Variants in CCND1 observed in about 807,000 individuals in gnomAD.
The protein encoded by CCND1 is G1/S-specific cyclin-D1.
CCND1 carries 9 observed loss-of-function variants against 26.1 expected under a neutral mutation model. The ratio of observed to expected loss-of-function variants is 0.35; its 90% CI spans 0.21 to 0.60. The LOEUF is 0.60. Among genes scored for constraint, CCND1 ranks in the 20% least tolerant of loss-of-function variants. CCND1 has a pLI of 0.79. For synonymous variants in CCND1, 194 were observed against 166.1 expected, an observed-to-expected ratio of 1.17 and a Z score of -1.29; for missense variants, 335 against 392.9, an observed-to-expected ratio of 0.85 and a Z score of 1.25.
intron 4 of CCND1, among the ~76,000 whole-genome samples, chr11:69,648,869 C>T (rs1590915771): frequency 2.0e-5 from 3 of 151,960 alleles, no homozygotes; most frequent in South Asian, 4.2e-4. Flanking sequence ...GTGGTCTGCC[C>T]TCGAGCCTCC....
intron 1 of CCND1, 21 bp downstream of exon 1, chr11:69,641,532 CTCT>C (rs745551896): frequency 2.5e-6 from 4 of 1,608,958 alleles, no homozygotes; most frequent in East Asian, 4.5e-5. Flanking sequence ...TCGGGCGGCT[CTCT>C]TAAGACTTCC....
At position 69,654,064 on chromosome 11, in the gene CCND1, G is replaced by T; in HGVS notation, c.*2782G>T. ...ACCCCGCTGCGGGCCCACGTGGTTG[G>T]GGCCCTGCCCTGGCAGGGTCATCCT... On this transcript the variant is annotated 3_prime_UTR_variant, in exon 5 of 5. Coordinates refer to ENST00000227507, the MANE Select transcript of CCND1 (RefSeq NM_053056.3). This position sits in a 1 kb window ranked among gnomAD's most constrained non-coding sequence, Gnocchi z 6.3. The T allele has an allele frequency of 1.7e-6, 1 of 602,800 alleles. No homozygotes were observed. Among genetic ancestry groups the T allele is most frequent in the Non-Finnish European group, 3.0e-6 (1 of 336,898 alleles). The allele number at this position is 602,800 out of a possible 1,614,324, so 37.3% of individuals were successfully genotyped here.
In CCND1 at chr11:69,643,134, T is replaced by G. The variant is rs1480433568; in HGVS notation, c.302T>G (p.Leu101Arg). 6.2e-7 allele frequency: 1 copy of G among 1,610,368 alleles called. No homozygotes were observed. Among genetic ancestry groups the G allele is most frequent in the Non-Finnish European group, 8.5e-7 (1 of 1,178,682 alleles). Residue 101 changes from leucine (L) to arginine (R), a missense_variant, in exon 2 of 5, where the codon CTG becomes CGG. Transcript: ENST00000227507. Reference protein sequence around the residue: ...LEPVKKSRLQLLGATCMFVAS... With the variant: ...LEPVKKSRLQRLGATCMFVAS... ...CCCGTGAAAAAGAGCCGCCTGCAGCTGCTGGGGGCCACTTGCATGTTCGTG... is the reference window on the plus strand; with the variant it reads ...CCCGTGAAAAAGAGCCGCCTGCAGCGGCTGGGGGCCACTTGCATGTTCGTG...
chr11:69,646,893 G>A (rs1362549414), intron 3 of CCND1, among the ~76,000 whole-genome samples: 1 of 152,230 alleles, frequency 6.6e-6, no homozygotes, highest in Non-Finnish European at 1.5e-5. Context: ...CTGCAGCCTG[G>A]CAGGCGGATG....
chr11:69,643,763 C>T (rs2120092547), intron 2 of CCND1, 69 bp from the exon 3 acceptor site: 1 of 1,497,866 alleles, frequency 6.7e-7, no homozygotes, highest in Non-Finnish European at 9.1e-7. Flanking sequence ...GGCCCCCGTG[C>T]TGCCGGCTTC....
chr11:69,654,349 C>T lies in CCND1; in HGVS notation c.*3067C>T, dbSNP rs1185129222. On this transcript the variant is annotated 3_prime_UTR_variant, in exon 5 of 5. Transcript: ENST00000227507. This position sits in a 1 kb window ranked among gnomAD's most constrained non-coding sequence, Gnocchi z 6.3. ...CAAGTCTGAGGGTCTGGGCGGCGGG[C>T]GGCTGGGTCTGTGCATTTCTGGTTG... is the stretch of plus-strand genomic sequence containing the variant. The T allele has an allele frequency of 1.7e-5, 12 of 702,368 alleles. No individual in the cohort carries two copies. Among genetic ancestry groups the T allele is most frequent in the East Asian group, 8.0e-5 (3 of 37,278 alleles). The allele number at this position is 702,368 out of a possible 1,614,324, so 43.5% of individuals were successfully genotyped here.
chr11:69,644,601 G>A (rs1166047983), intron 3 of CCND1, among the ~76,000 whole-genome samples: 1 of 152,198 alleles, frequency 6.6e-6, no homozygotes, highest in East Asian at 1.9e-4. Flanking sequence ...AGCACTCTCA[G>A]CTTGGGCCGC....
Position 69,651,917 on chromosome 11 carries a change from C to T in CCND1, c.*635C>T. 1 of 233,058 alleles carries T rather than the reference C, an allele frequency of 4.3e-6. No homozygotes were observed. The allele number at this position is 233,058 out of a possible 1,614,324, so 14.4% of individuals were successfully genotyped here. On this transcript the variant is annotated 3_prime_UTR_variant, in exon 5 of 5. Transcript: ENST00000227507. ...TATTCCGTAGGTAGATGTGTAACCT[C>T]TTCACCTTATTCATGGCTGAAGTCA...
At chr11:69,648,282 G>C (rs764234852) in intron 4 of CCND1, 140 bp downstream of exon 4, 143 of 861,680 alleles carry the variant, frequency 1.7e-4, no homozygotes, top group Admixed American at 8.6e-4. Context: ...CGGACCCCAG[G>C]CCACAGACTG....
chr11:69,643,471 C>T (rs1483616386), intron 2 of CCND1, among the ~76,000 whole-genome samples: 1 of 152,224 alleles, frequency 6.6e-6, no homozygotes, highest in Non-Finnish European at 1.5e-5. Flanking sequence ...ACCGCGTTCG[C>T]GCCCCGCGGT....
chr11:69,641,530 C>G lies in CCND1; in HGVS notation c.198+19C>G, dbSNP rs201441370. The G allele has an allele frequency of 1.3e-4, 212 of 1,611,828 alleles. No homozygotes were observed. The highest frequency in any genetic ancestry group is 1.7e-4 in the Non-Finnish European group (205 of 1,179,498). On this transcript the variant is annotated intron_variant, in intron 1 of 4. Transcript: ENST00000227507. ...GCTGGAGGTGCGGGGCTTCGGGCGG[C>G]TCTCTTAAGACTTCCCTGCAACTTG...
rs3212896 is a variant in CCND1, at chr11:69,652,194, G to T, written c.*912G>T. On this transcript the variant is annotated 3_prime_UTR_variant, in exon 5 of 5. Transcript: ENST00000227507. ...TGTAGTGACCTGTTTATGAGATGCT[G>T]GTTTTCTACCCAACGGCCCTGCAGC... is the stretch of plus-strand genomic sequence containing the variant. The T allele has an allele frequency of 6.5e-3, 1,522 of 233,644 alleles. 8 individuals are homozygous for T. Among genetic ancestry groups the T allele is most frequent in the South Asian group, 0.02 (112 of 5,524 alleles). 14.5% of individuals were successfully genotyped at this position (233,644 alleles called of 1,614,324 possible). A position where few individuals can be genotyped will look rare whatever the true frequency, so the allele number is the denominator to read the frequency against.
rs1227184171 is a variant in CCND1 at position 69,653,610 on chromosome 11, C to T, written c.*2328C>T. The T allele has an allele frequency of 1.1e-5, 5 of 475,648 alleles. No individual in the cohort carries two copies. The highest frequency in any genetic ancestry group is 4.0e-5 in the African/African-American group (2 of 49,482). The allele number at this position is 475,648 out of a possible 1,614,324, so 29.5% of individuals were successfully genotyped here. The stretch of plus-strand genomic sequence containing the variant: ...CTGGCGGGGGCCGGCCCCGAGGCCG[C>T]GTGCGTGAGAACCGCGCCGGTGTCC... On this transcript the variant is annotated 3_prime_UTR_variant, in exon 5 of 5. Transcript: ENST00000227507.
intron 1 of CCND1, among the ~76,000 whole-genome samples, chr11:69,642,050 TGGGGCCGCAGCTA>T (rs1036950121): frequency 1.2e-4 from 15 of 124,976 alleles, no homozygotes; most frequent in African/African-American, 4.5e-4. Context: ...CGCCGGGCGC[TGGGGCCGCAGCTA>T]AGGGCCGCGC....
rs1855880053 is a variant in CCND1, at chr11:69,653,389, G to C, written c.*2107G>C. ...ATGTACTAGTTTTAGTTTTCTCTTA[G>C]AACATTGTATTACAGATGCCTTTTT... On this transcript the variant is annotated 3_prime_UTR_variant, in exon 5 of 5. Transcript: ENST00000227507. 2.9e-6 allele frequency: 2 copies of C among 681,852 alleles called. No homozygotes were observed. Among genetic ancestry groups the C allele is most frequent in the African/African-American group, 3.6e-5 (2 of 55,404 alleles). The allele number at this position is 681,852 out of a possible 1,614,324, so 42.2% of individuals were successfully genotyped here. A position where few individuals can be genotyped will look rare whatever the true frequency, so the allele number is the denominator to read the frequency against.
rs751129742 is a variant in CCND1, at chr11:69,651,123, C to T, written c.729C>T (p.Cys243=). The T allele has an allele frequency of 1.9e-6, 3 of 1,612,436 alleles. No individual in the cohort carries two copies. Among genetic ancestry groups the T allele is most frequent in the Admixed American group, 1.7e-5 (1 of 59,924 alleles). The change falls in exon 5 of 5, where the codon TGC becomes TGT. Residue 243 remains cysteine (C), a synonymous_variant. Transcript: ENST00000227507. ...CCCCACCCTCTCTCTCTCAGGACTG[C>T]CTCCGGGCCTGCCAGGAGCAGATCG... ...LSRVIKCDPD[C]LRACQEQIEA...
At chr11:69,648,479 C>T (rs759007642) in intron 4 of CCND1, among the ~76,000 whole-genome samples, 1 of 152,184 alleles carries the variant, frequency 6.6e-6, no homozygotes, top group Non-Finnish European at 1.5e-5. Context: ...TAGGCCCAGG[C>T]GAGCTTTGTT....
At chr11:69,645,473 G>A (rs1476313063) in intron 3 of CCND1, among the ~76,000 whole-genome samples, 1 of 152,190 alleles carries the variant, frequency 6.6e-6, no homozygotes, top group East Asian at 1.9e-4. Flanking sequence ...GCCCCCAGCG[G>A]TGGGTGAAGG....
intron 3 of CCND1, among the ~76,000 whole-genome samples, chr11:69,645,819 G>A (rs1048665428): frequency 6.6e-6 from 1 of 152,194 alleles, no homozygotes; most frequent in Non-Finnish European, 1.5e-5. Context: ...CCTGCACTAG[G>A]CATTCCTGGC....
Sources: allele counts gnomAD v4.1 joint callset (sites outside exome capture counted in the v4.1 genomes callset), GRCh38; gene constraint gnomAD v4.1.1; non-coding constraint Gnocchi (gnomAD v3.1); transcripts MANE v1.5; gene names NCBI Gene and HGNC (gene_info 2026-07-23, HGNC 2026-07-21).